The following PRKCQ variants were observed in gnomAD, a reference collection of about 807,000 sequenced individuals.
PRKCQ encodes the protein protein kinase C theta.
Under a neutral mutation model 91.2 loss-of-function variants are expected in PRKCQ, and 41 were observed. That is an observed-to-expected ratio of 0.45 (90% CI 0.35 to 0.58). PRKCQ has a LOEUF of 0.58. Ranked by LOEUF, PRKCQ falls within the 20% of genes least tolerant of loss-of-function variation. The probability of loss-of-function intolerance (pLI) is 0.00; values close to 1 mark genes in which losing one functional copy is unlikely to be tolerated. For missense variants in PRKCQ, 673 were observed against 896.5 expected (o/e 0.75, Z 3.18); for synonymous variants, 307 against 316.9 (o/e 0.97, Z 0.33).
intron 16 of PRKCQ, among the ~76,000 whole-genome samples, chr10:6,435,680 T>TAAC (rs889382367): frequency 6.6e-6 from 1 of 152,154 alleles, no homozygotes; most frequent in African/African-American, 2.4e-5. Context: ...TAAAATACAC[T>TAAC]AACACTAACA....
At chr10:6,516,772 G>A (rs1203187093) in intron 1 of PRKCQ, among the ~76,000 whole-genome samples, 1 of 152,042 alleles carries the variant, frequency 6.6e-6, no homozygotes, top group Admixed American at 6.6e-5. Context: ...CTATTCCCAG[G>A]GTGGGTTTCT....
intron 12 of PRKCQ, among the ~76,000 whole-genome samples, chr10:6,470,505 G>A (rs1366777227): frequency 6.6e-6 from 1 of 152,220 alleles, no homozygotes; most frequent in Non-Finnish European, 1.5e-5. Flanking sequence ...ACTTTAGGAA[G>A]AAATCGTTGC....
At chr10:6,444,965 AAC>A (rs920969862) in intron 15 of PRKCQ, among the ~76,000 whole-genome samples, 17 of 151,878 alleles carry the variant, frequency 1.1e-4, no homozygotes, top group African/African-American at 4.1e-4. Context: ...CTCTACTAAA[AAC>A]ACAGAAATTA....
intron 1 of PRKCQ, among the ~76,000 whole-genome samples, chr10:6,551,610 A>T (rs942946078): frequency 1.3e-5 from 2 of 151,970 alleles, no homozygotes; most frequent in African/African-American, 4.8e-5. Context: ...GTTAACCAGG[A>T]TGGTCTCGAT....
chr10:6,504,537 C>T (rs1162386111), intron 4 of PRKCQ, among the ~76,000 whole-genome samples: 2 of 152,196 alleles, frequency 1.3e-5, no homozygotes, highest in Non-Finnish European at 2.9e-5. Context: ...CTTTAATGCC[C>T]ACACTGTGGA....
rs574895872 is a variant in PRKCQ, at chr10:6,450,497, C to T, written c.1647+6177G>A. On this transcript the variant is annotated intron_variant, in intron 15 of 17. Coordinates refer to ENST00000263125, the MANE Select transcript of PRKCQ (RefSeq NM_006257.5). ...ATAATAATGGGAGACTTTTAACACC[C>T]CACTGTCAACATTAGACAGATCAAT... Among the ~76,000 whole-genome samples, 436 of 152,238 alleles carry T rather than the reference C, an allele frequency of 2.9e-3. 1 individual carries two copies. Among genetic ancestry groups the T allele is most frequent in the Non-Finnish European group, 5.0e-3 (340 of 68,028 alleles).
At chr10:6,543,773 G>A (rs1437719269) in intron 1 of PRKCQ, among the ~76,000 whole-genome samples, 1 of 152,178 alleles carries the variant, frequency 6.6e-6, no homozygotes, top group Admixed American at 6.5e-5. Context: ...AGGACTGGAG[G>A]AAACTGGGGG....
chr10:6,468,822 G>A (rs570450051), intron 12 of PRKCQ, among the ~76,000 whole-genome samples: 101 of 152,222 alleles, frequency 6.6e-4, no homozygotes, highest in African/African-American at 2.3e-3. Context: ...TTACAACAGC[G>A]AAGACTGTAG....
chr10:6,467,361 GAGAGAGAGAGAGACAGAGAGAGACAGAC>G (rs1835726011), intron 12 of PRKCQ, among the ~76,000 whole-genome samples: 1 of 120,388 alleles, frequency 8.3e-6, no homozygotes, highest in African/African-American at 2.9e-5. Flanking sequence ...GAGAGACAGA[GAGAGAGAGAGAGACAGAGAGAGACAGAC>G]AGAGAGAGAG....
chr10:6,466,008 CAGA>C (rs1835631341), intron 12 of PRKCQ, among the ~76,000 whole-genome samples: 2 of 152,246 alleles, frequency 1.3e-5, no homozygotes, highest in Non-Finnish European at 2.9e-5. Context: ...ATCAGCACCA[CAGA>C]AAGAGCTTCT....
intron 1 of PRKCQ, among the ~76,000 whole-genome samples, chr10:6,530,551 G>C (rs751556869): frequency 3.3e-4 from 50 of 152,348 alleles, no homozygotes; most frequent in South Asian, 2.1e-3. Context: ...AGTCACAGGG[G>C]GGGTTGTTGC....
At chr10:6,563,873 G>A (rs1039064789) in intron 1 of PRKCQ, among the ~76,000 whole-genome samples, 1 of 152,218 alleles carries the variant, frequency 6.6e-6, no homozygotes, top group African/African-American at 2.4e-5. Flanking sequence ...GGGTGTGTTA[G>A]TGCTGCTGAG....
Position 6,430,957 on chromosome 10 carries a change from G to C in PRKCQ, c.1837-19C>G. ...CGAAGAGCTGAAAGGGAGCAGAGCA[G>C]GAGCCCTGAGGTCTCCAGGGATGAC... On this transcript the variant is annotated intron_variant, in intron 16 of 17. Transcript: ENST00000263125. The surrounding 1 kb of genome is among the most constrained non-coding windows in gnomAD (Gnocchi z 4.7). 2.5e-6 allele frequency: 4 copies of C among 1,612,502 alleles called. No homozygotes were observed. The highest frequency in any genetic ancestry group is 1.7e-5 in the Admixed American group (1 of 59,916).
chr10:6,483,709 A>G, intron 10 of PRKCQ, 109 bp from the exon 11 acceptor site: 1 of 1,313,252 alleles, frequency 7.6e-7, no homozygotes, highest in Non-Finnish European at 1.1e-6. Context: ...GCTCCATCAT[A>G]GTAATTGGGG....
intron 4 of PRKCQ, among the ~76,000 whole-genome samples, chr10:6,502,458 G>A (rs1588342961): frequency 6.6e-6 from 1 of 152,228 alleles, no homozygotes; most frequent in Non-Finnish European, 1.5e-5. Context: ...CACTAGCTGG[G>A]CATTGCCAGA....
intron 4 of PRKCQ, among the ~76,000 whole-genome samples, chr10:6,501,548 G>A (rs1837913665): frequency 2.0e-5 from 3 of 151,984 alleles, no homozygotes; most frequent in African/African-American, 4.8e-5. Context: ...TCGGCTGGGC[G>A]TGGTAGCTTA....
At chr10:6,523,242 G>A (rs1839081349) in intron 1 of PRKCQ, among the ~76,000 whole-genome samples, 1 of 152,132 alleles carries the variant, frequency 6.6e-6, no homozygotes, top group South Asian at 2.1e-4. Flanking sequence ...TTGAGCCTAG[G>A]AGTTTGAGAC....
chr10:6,548,030 T>G (rs1175384736), intron 1 of PRKCQ, among the ~76,000 whole-genome samples: 1 of 151,314 alleles, frequency 6.6e-6, no homozygotes, highest in Non-Finnish European at 1.5e-5. Context: ...TCAAACAAAT[T>G]TACAAGAAAA....
intron 15 of PRKCQ, among the ~76,000 whole-genome samples, chr10:6,448,968 C>T (rs1367964952): frequency 6.6e-6 from 1 of 151,926 alleles, no homozygotes; most frequent in African/African-American, 2.4e-5. Context: ...GTAGATAAAA[C>T]CACAAAGATG....
Sources: allele counts gnomAD v4.1 joint callset (sites outside exome capture counted in the v4.1 genomes callset), GRCh38; gene constraint gnomAD v4.1.1; non-coding constraint Gnocchi (gnomAD v3.1); transcripts MANE v1.5; gene names NCBI Gene and HGNC (gene_info 2026-07-23, HGNC 2026-07-21).